The following COX6B1 variants were observed in gnomAD, a reference collection of about 807,000 sequenced individuals.
The protein encoded by COX6B1 is cytochrome c oxidase subunit 6B1, also known as COX VIb-1.
COX6B1 carries 2 observed loss-of-function variants against 14.0 expected under a neutral mutation model. The observed-to-expected ratio is 0.14, with a 90% confidence interval of 0.06 to 0.45. The LOEUF (loss-of-function observed/expected upper bound fraction) is 0.45, where lower values mean the gene tolerates loss of function less well. COX6B1 is among the 20% of genes least tolerant of loss of function. COX6B1 has a pLI of 0.98. For synonymous variants in COX6B1, 30 were observed against 39.7 expected (o/e 0.76, Z 0.92); for missense variants, 81 against 114.2 (o/e 0.71, Z 1.33).
At chr19:35,655,621 TAAA>T in intron 3 of COX6B1, among the ~76,000 whole-genome samples, 1 of 146,174 alleles carries the variant, frequency 6.8e-6, no homozygotes. Flanking sequence ...GCCCTTTGTT[TAAA>T]AAAAAAAAAA....
intron 2 of COX6B1, 135 bp from the exon 3 acceptor site, chr19:35,654,436 A>G: frequency 1.4e-6 from 1 of 736,902 alleles, no homozygotes; most frequent in Admixed American, 1.9e-5. Context: ...ACCCAGGAGG[A>G]GGTAGAGGTT....
intron 3 of COX6B1, 137 bp from the exon 4 acceptor site, chr19:35,658,457 G>C: frequency 1.4e-6 from 1 of 727,988 alleles, no homozygotes; most frequent in Non-Finnish European, 2.5e-6. Context: ...TGATTCCCCG[G>C]CCTCTAGAAT....
rs139362149 is a variant in COX6B1 at position 35,653,934 on chromosome 19, C to G, written c.107-637C>G. ...GTCCAGGCTGGTCTCGAACTCCTAC[C>G]CTCAAGTGATCCACCTGCCTTAGCT... On this transcript the variant is annotated intron_variant, in intron 2 of 3. Coordinates refer to ENST00000649813, the MANE Select transcript of COX6B1 (RefSeq NM_001863.5). Among the ~76,000 whole-genome samples the G allele has an allele frequency of 2.5e-3, 385 of 151,736 alleles. 9 individuals are homozygous for G. Among genetic ancestry groups the G allele is most frequent in the African/African-American group, 9.1e-3 (375 of 41,392 alleles).
At chr19:35,657,935 G>C (rs1967905069) in intron 3 of COX6B1, among the ~76,000 whole-genome samples, 1 of 152,068 alleles carries the variant, frequency 6.6e-6, no homozygotes, top group African/African-American at 2.4e-5. Context: ...GGAATTATAG[G>C]CGTGAGCCAC....
chr19:35,657,164 TATA>T (rs1967896445), intron 3 of COX6B1, among the ~76,000 whole-genome samples: 1 of 151,860 alleles, frequency 6.6e-6, no homozygotes, highest in South Asian at 2.1e-4. Flanking sequence ...CTCACCATAC[TATA>T]GAATCAGTGG....
intron 2 of COX6B1, among the ~76,000 whole-genome samples, chr19:35,653,140 T>G (rs529711441): frequency 5.5e-4 from 83 of 150,992 alleles, no homozygotes; most frequent in African/African-American, 1.7e-3. Flanking sequence ...GCTAATTTTT[T>G]TTTTTTGTAT....
chr19:35,648,878 C>CAGATGGT (rs748255438), intron 1 of COX6B1: 1 of 533,468 alleles, frequency 1.9e-6, no homozygotes, highest in Non-Finnish European at 3.8e-6. Context: ...GATGCACCCT[C>CAGATGGT]ATCCTCAGAT....
intron 2 of COX6B1, 101 bp downstream of exon 2, chr19:35,651,450 A>T: frequency 1.2e-6 from 1 of 859,722 alleles, no homozygotes; most frequent in South Asian, 1.4e-5. Context: ...TATTCTGAAC[A>T]TCCTTACTCT....
At chr19:35,657,549 A>G (rs1220232484) in intron 3 of COX6B1, among the ~76,000 whole-genome samples, 1 of 151,928 alleles carries the variant, frequency 6.6e-6, no homozygotes, top group African/African-American at 2.4e-5. Flanking sequence ...GTGTATGTAT[A>G]TAAAAACGTT....
chr19:35,649,554 C>T (rs1162315782), intron 1 of COX6B1, among the ~76,000 whole-genome samples: 1 of 151,688 alleles, frequency 6.6e-6, no homozygotes, highest in East Asian at 1.9e-4. Context: ...TCTCGGCTCA[C>T]TGCAACCTCC....
At chr19:35,648,988 T>C in intron 1 of COX6B1, 1 of 524,932 alleles carries the variant, frequency 1.9e-6, no homozygotes, top group Non-Finnish European at 3.9e-6. Flanking sequence ...ACTGTTTTAG[T>C]GCTCCAGACC....
At position 35,658,736 on chromosome 19, in the gene COX6B1, T is replaced by C; in HGVS notation, c.*89T>C. On this transcript the variant is annotated 3_prime_UTR_variant, in exon 4 of 4. Transcript: ENST00000649813. ...GTACCCAGTGATCCCCACCCCAGGA[T>C]CCTAAATCATGACTTACCTGCTAAT... is the stretch of plus-strand genomic sequence containing the variant. 8.3e-7 allele frequency: 1 copy of C among 1,199,982 alleles called. No homozygotes were observed. The highest frequency in any genetic ancestry group is 1.2e-5 in the South Asian group (1 of 82,112). The allele number at this position is 1,199,982 out of a possible 1,614,324, so 74.3% of individuals were successfully genotyped here. A position where few individuals can be genotyped will look rare whatever the true frequency, so the allele number is the denominator to read the frequency against.
chr19:35,656,627 C>T (rs1319689526), intron 3 of COX6B1, among the ~76,000 whole-genome samples: 4 of 151,958 alleles, frequency 2.6e-5, no homozygotes, highest in Non-Finnish European at 4.4e-5. Flanking sequence ...ATTACAGGCG[C>T]CTGCCACCAT....
In COX6B1 at chr19:35,658,671, T is replaced by C. The variant is rs1967913747; in HGVS notation, c.*24T>C. 19 of 1,611,164 alleles carry C rather than the reference T, an allele frequency of 1.2e-5. No homozygotes were observed. Among genetic ancestry groups the C allele is most frequent in the Non-Finnish European group, 1.5e-5 (18 of 1,177,430 alleles). On this transcript the variant is annotated 3_prime_UTR_variant, in exon 4 of 4. Coordinates refer to ENST00000649813, the MANE Select transcript of COX6B1 (RefSeq NM_001863.5). ...GAACTGGCTGCATCTCCCTTTCCTC[T>C]GTCCTCCATCCTTCTCCCAGGATGG...
intron 1 of COX6B1, chr19:35,648,679 C>G: frequency 5.3e-6 from 2 of 379,316 alleles, no homozygotes; most frequent in South Asian, 3.8e-5. Flanking sequence ...TAAACAGGCT[C>G]AGAGATACCA....
intron 1 of COX6B1, among the ~76,000 whole-genome samples, chr19:35,649,162 T>TC (rs1450663453): frequency 4.6e-5 from 7 of 152,068 alleles, no homozygotes; most frequent in Non-Finnish European, 7.4e-5. Context: ...TAACCCTGGG[T>TC]CCGCAGAGTT....
chr19:35,653,420 G>A (rs908645812), intron 2 of COX6B1, among the ~76,000 whole-genome samples: 6 of 141,072 alleles, frequency 4.3e-5, no homozygotes, highest in Admixed American at 1.4e-4. Flanking sequence ...CTACAGGCGC[G>A]TGCCACCATG....
chr19:35,651,079 C>T (rs972115802), intron 1 of COX6B1, among the ~76,000 whole-genome samples, 154 bp from the exon 2 acceptor site: 1 of 152,106 alleles, frequency 6.6e-6, no homozygotes, highest in African/African-American at 2.4e-5. Context: ...TGTGTGGATT[C>T]GCCCTGCCCC....
At chr19:35,651,051 G>A (rs1967818861) in intron 1 of COX6B1, among the ~76,000 whole-genome samples, 182 bp from the exon 2 acceptor site, 1 of 152,110 alleles carries the variant, frequency 6.6e-6, no homozygotes, top group African/African-American at 2.4e-5. Context: ...CAACCCTGCC[G>A]CGACCTCGAC....
Sources: allele counts gnomAD v4.1 joint callset (sites outside exome capture counted in the v4.1 genomes callset), GRCh38; gene constraint gnomAD v4.1.1; transcripts MANE v1.5; gene names NCBI Gene and HGNC (gene_info 2026-07-23, HGNC 2026-07-21).